GRID2: variants seen among roughly 807,000 people sequenced by gnomAD.
GRID2 encodes glutamate ionotropic receptor delta type subunit 2, also known as glutamate receptor ionotropic, delta-2.
A neutral mutation model predicts 114.8 loss-of-function variants in GRID2; 33 were observed. That is an observed-to-expected ratio of 0.29 (90% CI 0.22 to 0.38). The LOEUF is 0.38. Among genes scored for constraint, GRID2 ranks in the 10% least tolerant of loss-of-function variants. GRID2 has a pLI of 1.00. For synonymous variants in GRID2, 505 were observed against 449.9 expected (o/e 1.12, Z -1.55); for missense variants, 1,184 against 1,257.7 (o/e 0.94, Z 0.89).
At chr4:92,745,184 A>T (rs1737088521) in intron 2 of GRID2, among the ~76,000 whole-genome samples, 1 of 152,194 alleles carries the variant, frequency 6.6e-6, no homozygotes, top group African/African-American at 2.4e-5. Flanking sequence ...ATTACTTATG[A>T]TCATTGTTTT....
At chr4:93,213,373 C>G (rs1350826973) in intron 5 of GRID2, among the ~76,000 whole-genome samples, 1 of 151,960 alleles carries the variant, frequency 6.6e-6, no homozygotes, top group Non-Finnish European at 1.5e-5. Context: ...TAGTAGAGGG[C>G]TTAATCTTAA....
At chr4:93,018,369 C>T (rs1254459915) in intron 2 of GRID2, among the ~76,000 whole-genome samples, 1 of 152,060 alleles carries the variant, frequency 6.6e-6, no homozygotes, top group Non-Finnish European at 1.5e-5. Context: ...ACAACTTCAT[C>T]CTGAGTAGAA....
chr4:93,220,768 C>T (rs1264567054), intron 6 of GRID2, among the ~76,000 whole-genome samples: 1 of 152,110 alleles, frequency 6.6e-6, no homozygotes, highest in South Asian at 2.1e-4. Flanking sequence ...ACATTCTATT[C>T]CTGAAATGCA....
rs1043028579 is a variant in GRID2, at chr4:92,652,864, A to G, written c.244+62578A>G. On this transcript the variant is annotated intron_variant, in intron 2 of 15. Transcript: ENST00000282020. ...ATAAATATATATATAATATATAAAT[A>G]CATATAAATATATAAAAATATATTT... Among the ~76,000 whole-genome samples the G allele has an allele frequency of 2.7e-4, 28 of 105,394 alleles. 1 individual carries two copies. Among genetic ancestry groups the G allele is most frequent in the African/African-American group, 9.1e-4 (27 of 29,564 alleles). 69.1% of individuals were successfully genotyped at this position (105,394 alleles called of 152,430 possible).
intron 1 of GRID2, among the ~76,000 whole-genome samples, chr4:92,371,657 G>A (rs1452209189): frequency 1.3e-5 from 2 of 152,066 alleles, no homozygotes; most frequent in Admixed American, 6.6e-5. Context: ...ATGACTTGAC[G>A]GCTCTGATGG....
At chr4:93,780,492 A>C (rs559229317) in intron 1 of GRID2, among the ~76,000 whole-genome samples, 38 of 152,324 alleles carry the variant, frequency 2.5e-4, no homozygotes, top group African/African-American at 9.1e-4. Flanking sequence ...GGGTTGGGAA[A>C]CCACTGGAGT....
At chr4:92,460,046 A>ATATATATATATATATATATATG (rs1721413842) in intron 1 of GRID2, among the ~76,000 whole-genome samples, 1 of 119,256 alleles carries the variant, frequency 8.4e-6, no homozygotes, top group African/African-American at 3.3e-5. Context: ...ATATATATAT[A>ATATATATATATATATATATATG]TATATATACA....
intron 1 of GRID2, among the ~76,000 whole-genome samples, chr4:92,566,936 G>T (rs916596119): frequency 3.9e-5 from 6 of 151,956 alleles, no homozygotes; most frequent in African/African-American, 1.4e-4. Flanking sequence ...CTGAAGAGCT[G>T]CCCACTCTGG....
At position 92,304,688 on chromosome 4, in the gene GRID2, C is replaced by T. The variant is rs1292012808; in HGVS notation, c.32C>T (p.Ser11Phe). The T allele has an allele frequency of 1.9e-6, 3 of 1,613,394 alleles. No individual in the cohort carries two copies. The highest frequency in any genetic ancestry group is 2.5e-6 in the Non-Finnish European group (3 of 1,179,442). Residue 11 changes from serine (S) to phenylalanine (F), a missense_variant, in exon 1 of 16, where the codon TCC (serine) becomes TTC (phenylalanine). This residue lies in a region of GRID2 where 455 missense variants were observed against 429.5 expected (regional missense o/e 1.06). Coordinates refer to ENST00000282020, the MANE Select transcript of GRID2 (RefSeq NM_001510.4). Reference sequence around the variant, plus strand: ...GTTTTCCCCTTTCTCTTGGTTTTGTCCGTCTGGTGGTCTCGAACCTGGGAC... The same window carrying T: ...GTTTTCCCCTTTCTCTTGGTTTTGTTCGTCTGGTGGTCTCGAACCTGGGAC... MEVFPFLLVL[S>F]VWWSRTWDSA...
At chr4:92,625,384 G>A (rs534429973) in intron 2 of GRID2, among the ~76,000 whole-genome samples, 11 of 151,874 alleles carry the variant, frequency 7.2e-5, no homozygotes, top group Non-Finnish European at 1.3e-4. Flanking sequence ...AATGAGGTCT[G>A]AGAAAATATG....
chr4:92,727,750 A>G (rs954904298), intron 2 of GRID2, among the ~76,000 whole-genome samples: 4 of 152,092 alleles, frequency 2.6e-5, no homozygotes, highest in Non-Finnish European at 4.4e-5. Flanking sequence ...AAGAGAAGCT[A>G]TCATTTATAA....
chr4:93,672,277 AC>A (rs747088473), intron 14 of GRID2, among the ~76,000 whole-genome samples: 2 of 151,810 alleles, frequency 1.3e-5, no homozygotes, highest in Admixed American at 6.6e-5. Flanking sequence ...CCAAGGGGGA[AC>A]CCCCCCACCA....
chr4:93,375,503 G>A (rs1195801460), intron 8 of GRID2, among the ~76,000 whole-genome samples: 2 of 152,024 alleles, frequency 1.3e-5, no homozygotes, highest in Admixed American at 6.6e-5. Flanking sequence ...GAGCCACCGC[G>A]CCTGGCCAGG....
At chr4:92,476,757 TTTAC>T (rs1294632737) in intron 1 of GRID2, among the ~76,000 whole-genome samples, 2 of 152,210 alleles carry the variant, frequency 1.3e-5, no homozygotes, top group East Asian at 1.9e-4. Context: ...GCATAATGAT[TTTAC>T]TTAATTACTA....
intron 7 of GRID2, among the ~76,000 whole-genome samples, chr4:93,227,639 CTTA>C (rs1355893786): frequency 1.3e-5 from 2 of 152,244 alleles, no homozygotes; most frequent in South Asian, 2.1e-4. Context: ...TTTCTCACAT[CTTA>C]TTATGTTATG....
At chr4:92,641,430 G>A (rs999664622) in intron 2 of GRID2, among the ~76,000 whole-genome samples, 1 of 146,828 alleles carries the variant, frequency 6.8e-6, no homozygotes. Flanking sequence ...ACATGCCACC[G>A]AGCCTGGCCA....
rs528245787 is a variant in GRID2, at chr4:93,186,873, G to A, written c.736-20531G>A. 2.6e-5 allele frequency among the ~76,000 whole-genome samples: 4 copies of A among 152,232 alleles called. No homozygotes were observed. In the East Asian group the frequency reaches 7.7e-4, roughly 29 times the overall value. Reference sequence around the variant, plus strand: ...CTATAATAAAAATACCATAGACTGGGTAATTTATAAACAACGTAAGTTTAT... The same window carrying A: ...CTATAATAAAAATACCATAGACTGGATAATTTATAAACAACGTAAGTTTAT... On this transcript the variant is annotated intron_variant, in intron 4 of 15. Coordinates refer to ENST00000282020, the MANE Select transcript of GRID2 (RefSeq NM_001510.4).
At chr4:93,375,873 CA>C (rs1241939148) in intron 8 of GRID2, among the ~76,000 whole-genome samples, 1 of 152,098 alleles carries the variant, frequency 6.6e-6, no homozygotes, top group Non-Finnish European at 1.5e-5. Context: ...GCTACTGTAA[CA>C]AAATTCCACA....
intron 1 of GRID2, among the ~76,000 whole-genome samples, chr4:92,446,724 A>G (rs1221475724): frequency 6.6e-6 from 1 of 152,192 alleles, no homozygotes; most frequent in African/African-American, 2.4e-5. Flanking sequence ...GAACTTACAT[A>G]GAGTTACTTC....
Sources: gnomAD v4.1 joint callset for allele counts (sites outside exome capture counted in the v4.1 genomes callset) on GRCh38, gnomAD v4.1.1 for gene constraint, gnomAD v4.1.1 regional missense constraint, MANE v1.5 for transcripts, NCBI Gene and HGNC (gene_info 2026-07-23, HGNC 2026-07-21) for gene names.